IL22RA2: variants seen among roughly 807,000 people sequenced by gnomAD.
IL22RA2 encodes the protein interleukin 22 receptor subunit alpha 2, also known as interleukin-22 receptor subunit alpha-2.
In IL22RA2, 39 loss-of-function variants were observed where a neutral mutation model predicts 30.7. The ratio of observed to expected loss-of-function variants is 1.27; its 90% CI spans 0.98 to 1.66. IL22RA2 has a LOEUF of 1.66. Ranked by LOEUF, IL22RA2 falls within the 40% of genes most tolerant of loss-of-function variation. IL22RA2 has a pLI of 0.00. For missense variants in IL22RA2, 315 were observed against 312.7 expected (o/e 1.01, Z -0.05); for synonymous variants, 103 against 105.0 (o/e 0.98, Z 0.11).
chr6:137,172,461 G>A (rs1778759664), intron 1 of IL22RA2, among the ~76,000 whole-genome samples: 1 of 152,130 alleles, frequency 6.6e-6, no homozygotes, highest in Non-Finnish European at 1.5e-5. Context: ...AAGGCCTCAA[G>A]GTAGATGAAA....
At chr6:137,148,398 T>G (rs1193782290) in intron 5 of IL22RA2, among the ~76,000 whole-genome samples, 1 of 152,160 alleles carries the variant, frequency 6.6e-6, no homozygotes, top group Non-Finnish European at 1.5e-5. Flanking sequence ...TTATTGACAG[T>G]GTAGCCCTTG....
At chr6:137,168,945 A>G (rs1231133782) in intron 1 of IL22RA2, among the ~76,000 whole-genome samples, 1 of 152,192 alleles carries the variant, frequency 6.6e-6, no homozygotes, top group Non-Finnish European at 1.5e-5. Context: ...ATCAACTGAA[A>G]ATCTGTTTGT....
chr6:137,152,110 G>C (rs28741417), intron 5 of IL22RA2, among the ~76,000 whole-genome samples: 1 of 152,118 alleles, frequency 6.6e-6, no homozygotes, highest in African/African-American at 2.4e-5. Context: ...GTACTTGGGA[G>C]GCTGAGGTGG....
At chr6:137,155,331 AT>A (rs1260902465) in intron 4 of IL22RA2, among the ~76,000 whole-genome samples, 1 of 151,956 alleles carries the variant, frequency 6.6e-6, no homozygotes, top group African/African-American at 2.4e-5. Context: ...AGACTGGGTA[AT>A]TTATAAAGAA....
At chr6:137,170,674 A>G (rs1408287648) in intron 1 of IL22RA2, among the ~76,000 whole-genome samples, 1 of 152,160 alleles carries the variant, frequency 6.6e-6, no homozygotes, top group Non-Finnish European at 1.5e-5. Flanking sequence ...ACCTTAATTT[A>G]ATAAACTTTC....
At chr6:137,152,893 A>G (rs939864548) in intron 5 of IL22RA2, among the ~76,000 whole-genome samples, 1 of 152,148 alleles carries the variant, frequency 6.6e-6, no homozygotes, top group African/African-American at 2.4e-5. Context: ...AGAGTGTCCA[A>G]CTTTCCAGTA....
At chr6:137,157,445 G>T (rs1303181764) in intron 3 of IL22RA2, among the ~76,000 whole-genome samples, 1 of 149,958 alleles carries the variant, frequency 6.7e-6, no homozygotes, top group Non-Finnish European at 1.5e-5. Context: ...AGAAGTCGTA[G>T]CGGTTAAAGA....
At chr6:137,169,668 T>C (rs779465669) in intron 1 of IL22RA2, among the ~76,000 whole-genome samples, 2 of 152,340 alleles carry the variant, frequency 1.3e-5, no homozygotes, top group Middle Eastern at 3.4e-3. Flanking sequence ...TACTCCTATT[T>C]ATATGTTAAA....
chr6:137,143,992 T>C lies in IL22RA2; in HGVS notation c.*1632A>G, dbSNP rs777221684. 1.4e-4 allele frequency: 21 copies of C among 152,198 alleles called. No individual in the cohort carries two copies. Among genetic ancestry groups the C allele is most frequent in the Non-Finnish European group, 2.4e-4 (16 of 68,034 alleles). The allele number at this position is 152,198 out of a possible 1,614,324, so 9.4% of individuals were successfully genotyped here. A position where few individuals can be genotyped will look rare whatever the true frequency, so the allele number is the denominator to read the frequency against. The stretch of plus-strand genomic sequence containing the variant: ...ACTTGATCCTATCTAATAACTTTCA[T>C]GAAACAACCATAAATGAATTTTGTT... On this transcript the variant is annotated 3_prime_UTR_variant, in exon 7 of 7. Transcript: ENST00000296980.
rs949308728 is a variant in IL22RA2, at chr6:137,159,108, T to G, written c.62-626A>C. Reference sequence around the variant, plus strand: ...TGAGGAAAACTGCCCAAGACCCTGCTGGGGGGTAGTGTTTCTGAGACTAAT... The same window carrying G: ...TGAGGAAAACTGCCCAAGACCCTGCGGGGGGGTAGTGTTTCTGAGACTAAT... On this transcript the variant is annotated intron_variant, in intron 2 of 6. Transcript: ENST00000296980. 7.9e-5 allele frequency among the ~76,000 whole-genome samples: 12 copies of G among 152,256 alleles called. No homozygotes were observed. The East Asian group carries it at 2.1e-3, about 27-fold the overall frequency.
rs1158110258 is a variant in IL22RA2, at chr6:137,157,383, C to T, written c.198-529G>A. ...AAATCTACTTTTGTAATGGAGAAAC[C>T]TTCATTGTAAAGATTTGTACATTTT... On this transcript the variant is annotated intron_variant, in intron 3 of 6. Coordinates refer to ENST00000296980, the MANE Select transcript of IL22RA2 (RefSeq NM_052962.3). Among the ~76,000 whole-genome samples the T allele has an allele frequency of 2.0e-5, 3 of 152,054 alleles. No homozygotes were observed. The East Asian group carries it at 5.8e-4, about 29-fold the overall frequency.
intron 1 of IL22RA2, among the ~76,000 whole-genome samples, chr6:137,162,678 C>CA (rs1232902942): frequency 2.0e-5 from 3 of 151,882 alleles, no homozygotes; most frequent in Admixed American, 6.6e-5. Context: ...CATGAAAGAA[C>CA]AAAAAAGTCA....
chr6:137,151,254 G>T (rs906871624), intron 5 of IL22RA2, among the ~76,000 whole-genome samples: 1 of 152,176 alleles, frequency 6.6e-6, no homozygotes. Context: ...TGAGAGTCTG[G>T]AAATAAACTA....
At chr6:137,170,142 G>T (rs1778702350) in intron 1 of IL22RA2, among the ~76,000 whole-genome samples, 1 of 152,130 alleles carries the variant, frequency 6.6e-6, no homozygotes. Context: ...TAAAGGCTCT[G>T]CAAAAGTACC....
chr6:137,162,639 T>C (rs1778544976), intron 1 of IL22RA2, among the ~76,000 whole-genome samples: 1 of 152,228 alleles, frequency 6.6e-6, no homozygotes, highest in Non-Finnish European at 1.5e-5. Context: ...TTTTTTTTAC[T>C]ACACGTGTTT....
chr6:137,146,500 G>T (rs771315461), intron 6 of IL22RA2, among the ~76,000 whole-genome samples: 1 of 152,098 alleles, frequency 6.6e-6, no homozygotes, highest in Non-Finnish European at 1.5e-5. Flanking sequence ...TAAGGCTGCC[G>T]GCACTCTACG....
intron 5 of IL22RA2, 143 bp from the exon 6 acceptor site, chr6:137,148,034 A>G (rs1029835570): frequency 5.8e-6 from 4 of 691,712 alleles, no homozygotes; most frequent in Non-Finnish European, 7.4e-6. Context: ...TGATCATGCC[A>G]CTGCACTATA....
At chr6:137,157,046 C>G (rs1352165056) in intron 3 of IL22RA2, among the ~76,000 whole-genome samples, 192 bp from the exon 4 acceptor site, 1 of 152,168 alleles carries the variant, frequency 6.6e-6, no homozygotes, top group African/African-American at 2.4e-5. Context: ...GACCCAAACA[C>G]CTCCTACGAG....
chr6:137,170,030 T>C (rs1056437164), intron 1 of IL22RA2, among the ~76,000 whole-genome samples: 1 of 152,208 alleles, frequency 6.6e-6, no homozygotes, highest in Admixed American at 6.5e-5. Context: ...TTTGTGGCCA[T>C]AAAAGGTGGA....
Sources: gnomAD v4.1 joint callset for allele counts (sites outside exome capture counted in the v4.1 genomes callset) on GRCh38, gnomAD v4.1.1 for gene constraint, MANE v1.5 for transcripts, NCBI Gene and HGNC (gene_info 2026-07-23, HGNC 2026-07-21) for gene names.